The following BLMH variants were observed in gnomAD, a reference collection of about 807,000 sequenced individuals.
The protein encoded by BLMH is BLM hydrolase.
Under a neutral mutation model 61.6 loss-of-function variants are expected in BLMH, and 32 were observed. That is an observed-to-expected ratio of 0.52 (90% confidence interval 0.39 to 0.70). The LOEUF is 0.70. BLMH is among the 30% of genes least tolerant of loss of function. The probability of loss-of-function intolerance (pLI) is 0.00; values close to 1 mark genes in which losing one functional copy is unlikely to be tolerated. For synonymous variants in BLMH, 183 were observed against 193.8 expected (o/e 0.94, Z 0.46); for missense variants, 460 against 555.5 (o/e 0.83, Z 1.73).
intron 2 of BLMH, among the ~76,000 whole-genome samples, chr17:30,290,055 C>T (rs1202572870): frequency 1.3e-5 from 2 of 152,110 alleles, no homozygotes; most frequent in South Asian, 2.1e-4. Context: ...AAATATTCTA[C>T]ATTAAACAAA....
intron 6 of BLMH, among the ~76,000 whole-genome samples, chr17:30,280,264 C>A (rs1908551500): frequency 6.6e-6 from 1 of 152,080 alleles, no homozygotes; most frequent in Non-Finnish European, 1.5e-5. Flanking sequence ...ATTCTAAGTT[C>A]TTATTATCTG....
intron 7 of BLMH, chr17:30,273,298 C>T (rs1459729801): frequency 5.9e-6 from 1 of 169,704 alleles, no homozygotes; most frequent in Non-Finnish European, 1.3e-5. Context: ...TCCCAAGTAG[C>T]TGGGATTACA....
chr17:30,272,060 A>G (rs1908288496), intron 9 of BLMH, among the ~76,000 whole-genome samples: 2 of 152,198 alleles, frequency 1.3e-5, no homozygotes, highest in Admixed American at 1.3e-4. Flanking sequence ...TAAAATAGAG[A>G]ATGGTGAACA....
intron 9 of BLMH, among the ~76,000 whole-genome samples, chr17:30,271,977 T>C (rs1908285172): frequency 6.6e-6 from 1 of 152,072 alleles, no homozygotes; most frequent in African/African-American, 2.4e-5. Flanking sequence ...TCATTAATTC[T>C]TTTTTTTAGC....
At chr17:30,259,692 G>A (rs1350802739) in intron 11 of BLMH, among the ~76,000 whole-genome samples, 1 of 152,174 alleles carries the variant, frequency 6.6e-6, no homozygotes, top group African/African-American at 2.4e-5. Flanking sequence ...AGGTGAATAA[G>A]TATAAATTCC....
intron 6 of BLMH, among the ~76,000 whole-genome samples, chr17:30,279,824 C>G (rs1183722178): frequency 6.6e-6 from 1 of 152,030 alleles, no homozygotes; most frequent in African/African-American, 2.4e-5. Flanking sequence ...AAACAAATCT[C>G]CCTAGTGGAG....
chr17:30,287,622 A>C (rs748416316), intron 4 of BLMH, among the ~76,000 whole-genome samples, 184 bp downstream of exon 4: 3 of 152,208 alleles, frequency 2.0e-5, no homozygotes, highest in Admixed American at 6.5e-5. Context: ...CTCTCTCCTT[A>C]ATCCTCATTT....
chr17:30,274,358 C>T (rs903171409), intron 6 of BLMH, among the ~76,000 whole-genome samples, 161 bp from the exon 7 acceptor site: 1 of 152,114 alleles, frequency 6.6e-6, no homozygotes, highest in African/African-American at 2.4e-5. Flanking sequence ...ACTGGAAAGC[C>T]GATGTCTGAG....
At chr17:30,249,235 T>C in intron 11 of BLMH, 67 bp from the exon 12 acceptor site, 1 of 1,528,504 alleles carries the variant, frequency 6.5e-7, no homozygotes, top group Non-Finnish European at 8.9e-7. Context: ...ACCCTTTTTG[T>C]AGGATAAACC....
At chr17:30,265,484 C>T (rs901377767) in intron 11 of BLMH, among the ~76,000 whole-genome samples, 3 of 152,170 alleles carry the variant, frequency 2.0e-5, no homozygotes, top group Admixed American at 6.5e-5. Context: ...TGGAAAATCA[C>T]GATTCTAAAC....
rs1473260139 is a variant in BLMH at position 30,275,685 on chromosome 17, C to CA, written c.646-1489dup. Reference sequence around the variant, plus strand: ...TGGGGGACAGGGCGAGACTCCATCTCAAAAAAAAAAAGAAAGCAATGCAAA... The same window carrying CA: ...TGGGGGACAGGGCGAGACTCCATCTCAAAAAAAAAAAAGAAAGCAATGCAAA... On this transcript the variant is annotated intron_variant, in intron 6 of 11. Coordinates refer to ENST00000261714, the MANE Select transcript of BLMH (RefSeq NM_000386.4). Among the ~76,000 whole-genome samples, 106 of 136,248 alleles carry CA rather than the reference C, an allele frequency of 7.8e-4. 1 individual carries two copies. Among genetic ancestry groups the CA allele is most frequent in the South Asian group, 2.8e-3 (12 of 4,308 alleles). The allele number at this position is 136,248 out of a possible 152,430, so 89.4% of individuals were successfully genotyped here.
chr17:30,259,511 G>A (rs1489551288), intron 11 of BLMH, among the ~76,000 whole-genome samples: 1 of 152,014 alleles, frequency 6.6e-6, no homozygotes, highest in Non-Finnish European at 1.5e-5. Flanking sequence ...TCTCCCCACT[G>A]AGGGGAGGTA....
Position 30,272,625 on chromosome 17 carries a change from C to T in BLMH, c.964G>A (p.Val322Met). ...VAASIKDGEAVWFGCDVGKHF... is the reference protein window; with the variant it reads ...VAASIKDGEAMWFGCDVGKHF... The stretch of plus-strand genomic sequence containing the variant: ...TTTCCAACATCACAGCCAAACCACA[C>T]AGCCTAGAAACAGAAGAAAGAGGAA... Residue 322 changes from valine to methionine, a missense_variant, in exon 9 of 12, where the codon GTG becomes ATG. This residue lies in a region of BLMH where 310 missense variants were observed against 371.1 expected (regional missense o/e 0.84). Transcript: ENST00000261714. 6.2e-7 allele frequency: 1 copy of T among 1,614,160 alleles called. No homozygotes were observed. Among genetic ancestry groups the T allele is most frequent in the Non-Finnish European group, 8.5e-7 (1 of 1,180,038 alleles).
At chr17:30,261,578 T>C (rs941011012) in intron 11 of BLMH, among the ~76,000 whole-genome samples, 1 of 152,228 alleles carries the variant, frequency 6.6e-6, no homozygotes, top group Non-Finnish European at 1.5e-5. Context: ...GTCCATGTTA[T>C]TGACATAGAA....
At chr17:30,289,575 C>A in intron 2 of BLMH, 93 bp from the exon 3 acceptor site, 1 of 706,104 alleles carries the variant, frequency 1.4e-6, no homozygotes, top group East Asian at 3.0e-5. Flanking sequence ...ATGACACGAT[C>A]TGGACAATTC....
chr17:30,291,087 G>C (rs534054781), intron 2 of BLMH: 106 of 581,980 alleles, frequency 1.8e-4, no homozygotes, highest in Middle Eastern at 1.4e-3. Context: ...TATACTCATG[G>C]ACATGTCACT....
intron 7 of BLMH, chr17:30,273,165 ATTTTT>A (rs35833844): frequency 9.8e-5 from 19 of 193,524 alleles, no homozygotes; most frequent in Non-Finnish European, 1.5e-4. Context: ...TCCAAAAGCA[ATTTTT>A]TTTTTTTTTT....
At position 30,254,058 on chromosome 17, in the gene BLMH, T is replaced by C. The variant is rs1907748354; in HGVS notation, c.1217-4890A>G. Among the ~76,000 whole-genome samples the C allele has an allele frequency of 3.3e-5, 5 of 152,172 alleles. 1 individual carries two copies. In the South Asian group the frequency reaches 1.0e-3, roughly 32 times the overall value. On this transcript the variant is annotated intron_variant, in intron 11 of 11. Transcript: ENST00000261714. ...AAAAGACGCTTTACCTAAGAAAACT[T>C]TTTTTTCTGAAATCCCACCAGAAAT... is the stretch of plus-strand genomic sequence containing the variant.
chr17:30,269,338 G>A (rs1908201534), intron 10 of BLMH, among the ~76,000 whole-genome samples: 2 of 151,390 alleles, frequency 1.3e-5, no homozygotes, highest in Admixed American at 6.6e-5. Context: ...ACGCCACCAT[G>A]CCCAGCTAAT....
Sources: allele counts gnomAD v4.1 joint callset (sites outside exome capture counted in the v4.1 genomes callset), GRCh38; gene constraint gnomAD v4.1.1; regional missense constraint gnomAD v4.1.1; transcripts MANE v1.5; gene names NCBI Gene and HGNC (gene_info 2026-07-23, HGNC 2026-07-21).